The following FBXW11 variants were observed in gnomAD, a reference collection of about 807,000 sequenced individuals.
The protein encoded by FBXW11 is F-box and WD repeat domain containing 11.
In FBXW11, 19 loss-of-function variants were observed where a neutral mutation model predicts 77.6. That is an observed-to-expected ratio of 0.24 (90% CI 0.17 to 0.36). FBXW11 has a LOEUF of 0.36. FBXW11 is among the 10% of genes least tolerant of loss of function. The pLI is 1.00. For missense variants in FBXW11, 334 were observed against 704.2 expected (o/e 0.47, Z 5.95); for synonymous variants, 235 against 249.4 (o/e 0.94, Z 0.54).
At chr5:171,968,949 T>C (rs1764373572) in intron 1 of FBXW11, among the ~76,000 whole-genome samples, 1 of 152,154 alleles carries the variant, frequency 6.6e-6, no homozygotes, top group South Asian at 2.1e-4. Flanking sequence ...AGGGCAAAGT[T>C]GACTACGTTT....
At chr5:171,948,148 T>C (rs893253508) in intron 2 of FBXW11, among the ~76,000 whole-genome samples, 1 of 146,236 alleles carries the variant, frequency 6.8e-6, no homozygotes, top group African/African-American at 2.6e-5. Flanking sequence ...GGCAGGAGAA[T>C]CGCTTGAATC....
chr5:171,927,939 T>A (rs1397161290), intron 2 of FBXW11, among the ~76,000 whole-genome samples: 2 of 152,226 alleles, frequency 1.3e-5, no homozygotes, highest in East Asian at 3.8e-4. Context: ...TACTACAAGT[T>A]ATTAAATCTA....
At chr5:171,979,511 T>C (rs1206212424) in intron 1 of FBXW11, among the ~76,000 whole-genome samples, 1 of 152,200 alleles carries the variant, frequency 6.6e-6, no homozygotes, top group Non-Finnish European at 1.5e-5. Flanking sequence ...ATTTTTTCTA[T>C]AATAAATGTG....
intron 1 of FBXW11, among the ~76,000 whole-genome samples, chr5:171,985,324 G>C (rs535700219): frequency 6.6e-6 from 1 of 152,172 alleles, no homozygotes; most frequent in African/African-American, 2.4e-5. Context: ...CTCCAATCTA[G>C]GCAGGGATCA....
intron 2 of FBXW11, 103 bp from the exon 3 acceptor site, chr5:171,914,508 A>G: frequency 2.1e-6 from 2 of 949,124 alleles, no homozygotes; most frequent in Middle Eastern, 2.6e-4. Context: ...GTACCAATAC[A>G]AACCCAAGAA....
Position 171,951,764 on chromosome 5 carries a change from C to T in FBXW11, c.147+5833G>A, listed in dbSNP as rs546994297. Among the ~76,000 whole-genome samples the T allele has an allele frequency of 3.9e-4, 60 of 152,128 alleles. 3 individuals carry two copies. The South Asian group carries it at 0.011, about 27-fold the overall frequency. ...GGGATTACAGGTGTGAACCATCATG[C>T]CTGGCCTTTATTTTTAATTTCTTGA... is the stretch of plus-strand genomic sequence containing the variant. On this transcript the variant is annotated intron_variant, in intron 2 of 13. Coordinates refer to ENST00000517395, the MANE Select transcript of FBXW11 (RefSeq NM_001378974.1).
intron 1 of FBXW11, among the ~76,000 whole-genome samples, chr5:171,959,463 AAGAGATATCAAGC>A (rs1247700476): frequency 1.3e-5 from 2 of 152,174 alleles, no homozygotes; most frequent in African/African-American, 2.4e-5. Flanking sequence ...ATGATCAGGA[AAGAGATATCAAGC>A]AGAGTCCCAT....
chr5:171,993,913 G>C lies in FBXW11; in HGVS notation c.45+12545C>G, dbSNP rs563035606. Among the ~76,000 whole-genome samples the C allele has an allele frequency of 3.3e-5, 5 of 152,196 alleles. No individual in the cohort carries two copies. In the South Asian group the frequency reaches 8.3e-4, roughly 25 times the overall value. On this transcript the variant is annotated intron_variant, in intron 1 of 13. Transcript: ENST00000517395. The stretch of plus-strand genomic sequence containing the variant: ...CCACACTTCAAACCTCTACCATATT[G>C]AACAGTGCAGACACTGAACATTTCA...
intron 2 of FBXW11, 121 bp downstream of exon 2, chr5:171,957,476 G>C: frequency 1.0e-6 from 1 of 955,558 alleles, no homozygotes; most frequent in Middle Eastern, 2.2e-4. Flanking sequence ...CTGGAGGAAA[G>C]CAGAGGGTTA....
At chr5:171,915,043 C>A (rs144767948) in intron 2 of FBXW11, among the ~76,000 whole-genome samples, 3 of 152,308 alleles carry the variant, frequency 2.0e-5, no homozygotes, top group African/African-American at 7.2e-5. Flanking sequence ...TGTAATTATT[C>A]TTTCTGGTGA....
intron 2 of FBXW11, among the ~76,000 whole-genome samples, chr5:171,950,177 T>G (rs144011509): frequency 6.6e-6 from 1 of 152,306 alleles, no homozygotes; most frequent in East Asian, 1.9e-4. Context: ...TGGTTTAACT[T>G]TGAACAAGTA....
chr5:171,957,884 A>G (rs1370977827), intron 1 of FBXW11, among the ~76,000 whole-genome samples, 186 bp from the exon 2 acceptor site: 1 of 152,222 alleles, frequency 6.6e-6, no homozygotes, highest in East Asian at 1.9e-4. Context: ...TTCTATGGAA[A>G]GGAGGTTTCT....
chr5:171,979,342 T>C (rs1765020937), intron 1 of FBXW11, among the ~76,000 whole-genome samples: 1 of 152,146 alleles, frequency 6.6e-6, no homozygotes, highest in African/African-American at 2.4e-5. Context: ...AATACATACA[T>C]ACATACATAC....
chr5:171,988,388 A>C (rs1246980413), intron 1 of FBXW11, among the ~76,000 whole-genome samples: 4 of 152,246 alleles, frequency 2.6e-5, no homozygotes, highest in Non-Finnish European at 4.4e-5. Context: ...ATGAAACAGG[A>C]GGAGCTACCT....
chr5:171,976,511 A>G (rs1451722107), intron 1 of FBXW11, among the ~76,000 whole-genome samples: 2 of 152,126 alleles, frequency 1.3e-5, no homozygotes, highest in Admixed American at 1.3e-4. Flanking sequence ...CTTAATCCCA[A>G]ATCTAACAGT....
intron 1 of FBXW11, among the ~76,000 whole-genome samples, chr5:171,984,162 T>G (rs932158293): frequency 6.6e-6 from 1 of 152,136 alleles, no homozygotes; most frequent in African/African-American, 2.4e-5. Context: ...AGAAGAGAGT[T>G]CATTGACTGG....
chr5:171,962,736 G>A (rs1452175142), intron 1 of FBXW11, among the ~76,000 whole-genome samples: 1 of 152,136 alleles, frequency 6.6e-6, no homozygotes, highest in Non-Finnish European at 1.5e-5. Context: ...AAAGGAAAAA[G>A]TGGTTGCAGG....
At chr5:171,879,026 A>G (rs1758329458) in intron 7 of FBXW11, among the ~76,000 whole-genome samples, 1 of 152,226 alleles carries the variant, frequency 6.6e-6, no homozygotes, top group South Asian at 2.1e-4. Context: ...AAAAATCAGA[A>G]CAAAAATTAT....
At chr5:171,999,871 C>T (rs78465794) in intron 1 of FBXW11, among the ~76,000 whole-genome samples, 3,220 of 152,132 alleles carry the variant, frequency 0.021, 119 homozygotes, top group African/African-American at 0.073. Context: ...TTATACTTCA[C>T]AGCTTTCCAT....
Sources: allele counts gnomAD v4.1 joint callset (sites outside exome capture counted in the v4.1 genomes callset), GRCh38; gene constraint gnomAD v4.1.1; transcripts MANE v1.5; gene names NCBI Gene and HGNC (gene_info 2026-07-23, HGNC 2026-07-21).